TPH2: variants seen among roughly 807,000 people sequenced by gnomAD.
The protein encoded by TPH2 is tryptophan hydroxylase 2.
A neutral mutation model predicts 59.1 loss-of-function variants in TPH2; 27 were observed. That is an observed-to-expected ratio of 0.46 (90% CI 0.34 to 0.63). TPH2 has a LOEUF of 0.63. Among genes scored for constraint, TPH2 ranks in the 30% least tolerant of loss-of-function variants. The pLI, the probability that TPH2 is intolerant of heterozygous loss-of-function variation, is 0.01. For synonymous variants in TPH2, 220 were observed against 210.5 expected (o/e 1.05, Z -0.39); for missense variants, 523 against 588.3 (o/e 0.89, Z 1.15).
chr12:71,952,072 T>C (rs1871364189), intron 5 of TPH2, among the ~76,000 whole-genome samples: 1 of 152,204 alleles, frequency 6.6e-6, no homozygotes, highest in African/African-American at 2.4e-5. Flanking sequence ...AAGTAGAATA[T>C]ATGAGTCAAC....
intron 8 of TPH2, among the ~76,000 whole-genome samples, chr12:72,005,330 C>A (rs1034008144): frequency 5.9e-5 from 9 of 152,070 alleles, no homozygotes; most frequent in Non-Finnish European, 1.3e-4. Flanking sequence ...GACTTCTTTA[C>A]TGAGGGGGCT....
At chr12:72,021,403 G>C (rs879895581) in intron 8 of TPH2, among the ~76,000 whole-genome samples, 25 of 148,974 alleles carry the variant, frequency 1.7e-4, no homozygotes, top group Non-Finnish European at 3.4e-4. Flanking sequence ...GTGTATGTGT[G>C]TATAACATCC....
At position 71,979,100 on chromosome 12, in the gene TPH2, A is replaced by G. The variant is rs910978052; in HGVS notation, c.941+13A>G. 6.2e-7 allele frequency: 1 copy of G among 1,614,100 alleles called. No individual in the cohort carries two copies. The highest frequency in any genetic ancestry group is 1.1e-5 in the South Asian group (1 of 91,080). ...ACACCCCAGAACCGTGAGTACCTACATTAAAGCCCAGGCCACCACACCATA... is the reference window on the plus strand; with the variant it reads ...ACACCCCAGAACCGTGAGTACCTACGTTAAAGCCCAGGCCACCACACCATA... On this transcript the variant is annotated intron_variant, in intron 7 of 10. Coordinates refer to ENST00000333850, the MANE Select transcript of TPH2 (RefSeq NM_173353.4).
In TPH2 at chr12:72,007,454, G is replaced by T. The variant is rs1004904557; in HGVS notation, c.1068+12889G>T. Among the ~76,000 whole-genome samples the T allele has an allele frequency of 7.2e-5, 11 of 152,256 alleles. No homozygotes were observed. In the East Asian group the frequency reaches 2.1e-3, roughly 29 times the overall value. On this transcript the variant is annotated intron_variant, in intron 8 of 10. Transcript: ENST00000333850. ...AATAAATTTGGGGTTTCAAATCTTG[G>T]CTGCTCCTCCTTATGAGTTCATGCT...
chr12:71,985,894 G>A (rs1482170242), intron 7 of TPH2, among the ~76,000 whole-genome samples: 4 of 152,134 alleles, frequency 2.6e-5, no homozygotes, highest in African/African-American at 4.8e-5. Context: ...TCAAGAGGAG[G>A]AGGCATCTGC....
intron 4 of TPH2, among the ~76,000 whole-genome samples, chr12:71,944,902 T>C (rs1871161502): frequency 6.6e-6 from 1 of 152,186 alleles, no homozygotes; most frequent in African/African-American, 2.4e-5. Context: ...GCATTTATTT[T>C]TAAAAGGGTT....
intron 5 of TPH2, among the ~76,000 whole-genome samples, chr12:71,955,794 G>A (rs1206455471): frequency 6.6e-6 from 1 of 151,898 alleles, no homozygotes; most frequent in African/African-American, 2.4e-5. Flanking sequence ...ATTACCCTTT[G>A]GTTGCCAGTC....
intron 8 of TPH2, among the ~76,000 whole-genome samples, chr12:72,007,349 C>T (rs1042259894): frequency 6.6e-6 from 1 of 152,082 alleles, no homozygotes; most frequent in Non-Finnish European, 1.5e-5. Flanking sequence ...AAGATGAATT[C>T]CTGACTAAAC....
Position 71,941,664 on chromosome 12 carries a change from C to A in TPH2, c.186C>A (p.Gly62=). The A allele has an allele frequency of 6.2e-7, 1 of 1,614,064 alleles. No homozygotes were observed. The highest frequency in any genetic ancestry group is 1.1e-5 in the South Asian group (1 of 91,082). ...SSKREAATES[G]KTAVVFSLKN... ...AACGTGAAGCTGCTACCGAAAGTGGCAAGACAGCAGTTGTTTTCTCCTTGA... is the reference window on the plus strand; with the variant it reads ...AACGTGAAGCTGCTACCGAAAGTGGAAAGACAGCAGTTGTTTTCTCCTTGA... The change falls in exon 2 of 11, where the codon GGC becomes GGA. Residue 62 remains glycine, a synonymous_variant. Coordinates refer to ENST00000333850, the MANE Select transcript of TPH2 (RefSeq NM_173353.4).
chr12:71,967,597 G>T (rs1254413276), intron 5 of TPH2, among the ~76,000 whole-genome samples: 1 of 152,160 alleles, frequency 6.6e-6, no homozygotes, highest in Non-Finnish European at 1.5e-5. Flanking sequence ...TATAATTTTG[G>T]TGGTTGTTGA....
chr12:72,002,739 A>T (rs1433872129), intron 8 of TPH2, among the ~76,000 whole-genome samples: 1 of 150,364 alleles, frequency 6.7e-6, no homozygotes, highest in African/African-American at 2.5e-5. Context: ...TGACCAGACC[A>T]TCACCTATTT....
intron 5 of TPH2, chr12:71,965,272 A>G (rs1871787496): frequency 6.6e-6 from 1 of 152,204 alleles, no homozygotes; most frequent in African/African-American, 2.4e-5. Flanking sequence ...TGATGATAGA[A>G]TGATTTATAT....
chr12:72,004,536 AC>A (rs1192534468), intron 8 of TPH2, among the ~76,000 whole-genome samples: 2 of 152,198 alleles, frequency 1.3e-5, no homozygotes, highest in Non-Finnish European at 2.9e-5. Context: ...CGGACTTCTT[AC>A]TTTTTCTTCT....
chr12:71,946,785 C>A (rs374660064), intron 4 of TPH2, among the ~76,000 whole-genome samples: 2 of 152,030 alleles, frequency 1.3e-5, no homozygotes, highest in Non-Finnish European at 2.9e-5. Flanking sequence ...GTAAGGTTGC[C>A]GAGGCTCCCT....
In TPH2 at chr12:72,031,799, T is replaced by C; in HGVS notation, c.*104T>C. The C allele has an allele frequency of 7.4e-7, 1 of 1,348,244 alleles. No individual in the cohort carries two copies. The highest frequency in any genetic ancestry group is 1.2e-5 in the South Asian group (1 of 84,840). 83.5% of individuals were successfully genotyped at this position (1,348,244 alleles called of 1,614,324 possible). A position where few individuals can be genotyped will look rare whatever the true frequency, so the allele number is the denominator to read the frequency against. ...ACCTTCTGTGTCATGGCTTGGCTAA[T>C]AAGCATGCAATTCCATATATCTATA... On this transcript the variant is annotated 3_prime_UTR_variant, in exon 11 of 11. Transcript: ENST00000333850.
intron 2 of TPH2, among the ~76,000 whole-genome samples, chr12:71,942,549 G>T (rs7134722): frequency 6.6e-6 from 1 of 152,120 alleles, no homozygotes; most frequent in African/African-American, 2.4e-5. Context: ...CAGTTAGGGG[G>T]TTCAGACCTG....
rs1465040069 is a variant in TPH2 at position 72,032,318 on chromosome 12, A to G, written c.*623A>G. On this transcript the variant is annotated 3_prime_UTR_variant, in exon 11 of 11. Transcript: ENST00000333850. The stretch of plus-strand genomic sequence containing the variant: ...TTGACCTTGTAGAACCTGAGTTATG[A>G]CAAGCTTCCTGAAGTATTTTGGAAG... 1 of 154,166 alleles carries G rather than the reference A, an allele frequency of 6.5e-6. No individual in the cohort carries two copies. Among genetic ancestry groups the G allele is most frequent in the Non-Finnish European group, 1.4e-5 (1 of 69,378 alleles). 9.5% of individuals were successfully genotyped at this position (154,166 alleles called of 1,614,324 possible).
At chr12:71,950,930 T>C (rs1871327749) in intron 5 of TPH2, among the ~76,000 whole-genome samples, 1 of 152,122 alleles carries the variant, frequency 6.6e-6, no homozygotes, top group Admixed American at 6.5e-5. Context: ...CTTCCCTTCA[T>C]CCTCCCAAGT....
intron 8 of TPH2, among the ~76,000 whole-genome samples, chr12:72,014,832 A>G (rs1253792093): frequency 3.3e-5 from 5 of 152,154 alleles, no homozygotes; most frequent in Non-Finnish European, 1.5e-5. Context: ...ACAAAAATTG[A>G]TGTCTGGTGG....
Sources: allele counts gnomAD v4.1 joint callset (sites outside exome capture counted in the v4.1 genomes callset), GRCh38; gene constraint gnomAD v4.1.1; transcripts MANE v1.5; gene names NCBI Gene and HGNC (gene_info 2026-07-23, HGNC 2026-07-21).